The following CNTNAP2 variants were observed in gnomAD, a reference collection of about 807,000 sequenced individuals.
CNTNAP2 encodes contactin associated protein 2.
A neutral mutation model predicts 155.2 loss-of-function variants in CNTNAP2; 98 were observed. The observed-to-expected ratio is 0.63, with a 90% CI of 0.54 to 0.75. CNTNAP2 has a LOEUF of 0.75. CNTNAP2 is among the 30% of genes least tolerant of loss of function. The pLI is 0.00. For missense variants in CNTNAP2, 1,727 were observed against 1,688.1 expected, an observed-to-expected ratio of 1.02 and a Z score of -0.40; for synonymous variants, 651 against 631.2, an observed-to-expected ratio of 1.03 and a Z score of -0.47.
intron 1 of CNTNAP2, among the ~76,000 whole-genome samples, chr7:146,421,156 C>A (rs1176288051): frequency 6.6e-6 from 1 of 152,006 alleles, no homozygotes; most frequent in Non-Finnish European, 1.5e-5. Context: ...TCATCTGTTA[C>A]ATCTCCTCTT....
At chr7:146,540,081 A>G (rs571475305) in intron 1 of CNTNAP2, among the ~76,000 whole-genome samples, 1 of 152,018 alleles carries the variant, frequency 6.6e-6, no homozygotes, top group Non-Finnish European at 1.5e-5. Flanking sequence ...AGAGTTTAGA[A>G]CTTAATAGCT....
At chr7:148,086,690 G>A (rs1235623118) in intron 15 of CNTNAP2, among the ~76,000 whole-genome samples, 3 of 151,816 alleles carry the variant, frequency 2.0e-5, no homozygotes, top group Non-Finnish European at 2.9e-5. Context: ...TAGCTTCTTA[G>A]GGTTCAAAAA....
At chr7:148,314,418 C>T (rs181616250) in intron 21 of CNTNAP2, among the ~76,000 whole-genome samples, 380 of 152,164 alleles carry the variant, frequency 2.5e-3, no homozygotes, top group African/African-American at 8.3e-3. Flanking sequence ...TGGGGTCAAG[C>T]GGCATTGCAG....
At chr7:147,174,449 C>CA (rs1387531281) in intron 8 of CNTNAP2, among the ~76,000 whole-genome samples, 1 of 152,112 alleles carries the variant, frequency 6.6e-6, no homozygotes, top group Non-Finnish European at 1.5e-5. Flanking sequence ...TACTCCATTG[C>CA]AAATATTAAG....
At chr7:148,413,325 G>C (rs1349747449) in intron 23 of CNTNAP2, among the ~76,000 whole-genome samples, 1 of 146,246 alleles carries the variant, frequency 6.8e-6, no homozygotes, top group African/African-American at 2.5e-5. Flanking sequence ...CTGGGAGGCT[G>C]AGGTTACAGT....
chr7:148,372,050 A>C (rs2116641649), intron 21 of CNTNAP2, among the ~76,000 whole-genome samples: 1 of 151,832 alleles, frequency 6.6e-6, no homozygotes, highest in East Asian at 2.0e-4. Flanking sequence ...AATACAAAAA[A>C]AATTAGCTGG....
chr7:147,715,451 C>T (rs940354053), intron 13 of CNTNAP2, among the ~76,000 whole-genome samples: 1 of 152,092 alleles, frequency 6.6e-6, no homozygotes, highest in Non-Finnish European at 1.5e-5. Flanking sequence ...AGAGAGTTGT[C>T]ATGGGCTAAT....
chr7:146,910,630 C>T (rs1796252551), intron 3 of CNTNAP2, among the ~76,000 whole-genome samples: 1 of 150,720 alleles, frequency 6.6e-6, no homozygotes, highest in African/African-American at 2.5e-5. Context: ...GGATCCCTTC[C>T]TTACACCTTA....
intron 8 of CNTNAP2, among the ~76,000 whole-genome samples, chr7:147,253,624 C>T (rs750446881): frequency 1.3e-5 from 2 of 152,030 alleles, no homozygotes; most frequent in African/African-American, 2.4e-5. Flanking sequence ...AATACAAAAC[C>T]GCTGTGAGCA....
At chr7:147,990,994 A>G (rs1801702606) in intron 15 of CNTNAP2, among the ~76,000 whole-genome samples, 1 of 152,088 alleles carries the variant, frequency 6.6e-6, no homozygotes, top group African/African-American at 2.4e-5. Context: ...CCCATCCTGA[A>G]ACCACCTAGG....
At chr7:148,249,022 A>C (rs1341595717) in intron 20 of CNTNAP2, among the ~76,000 whole-genome samples, 1 of 152,162 alleles carries the variant, frequency 6.6e-6, no homozygotes, top group African/African-American at 2.4e-5. Context: ...TCTTTCGTGA[A>C]GTGTCTGTTC....
intron 10 of CNTNAP2, among the ~76,000 whole-genome samples, chr7:147,426,044 A>G (rs1395699193): frequency 2.0e-5 from 3 of 152,138 alleles, no homozygotes; most frequent in Non-Finnish European, 2.9e-5. Flanking sequence ...AAAATCAGTA[A>G]TTTGTAAATG....
At chr7:147,464,357 C>T (rs898100782) in intron 10 of CNTNAP2, among the ~76,000 whole-genome samples, 7 of 151,174 alleles carry the variant, frequency 4.6e-5, no homozygotes, top group Non-Finnish European at 7.4e-5. Flanking sequence ...TTCCCAGCTA[C>T]ACGGGAGGCT....
At chr7:146,714,769 G>T (rs531658148) in intron 1 of CNTNAP2, among the ~76,000 whole-genome samples, 1 of 152,102 alleles carries the variant, frequency 6.6e-6, no homozygotes, top group Non-Finnish European at 1.5e-5. Context: ...GATACTTGAT[G>T]GCACATTACT....
In CNTNAP2 at chr7:146,570,484, C is replaced by T. The variant is rs1798425089; in HGVS notation, c.98-203787C>T. Among the ~76,000 whole-genome samples the T allele has an allele frequency of 2.0e-5, 3 of 152,158 alleles. No homozygotes were observed. In the South Asian group the frequency reaches 6.2e-4, roughly 32 times the overall value. ...CCAGAATTTTTTCCTGTACTAAGGA[C>T]AAAATGAATATTAGGCCTTAGACAT... On this transcript the variant is annotated intron_variant, in intron 1 of 23. Transcript: ENST00000361727.
chr7:147,010,971 A>G (rs991768954), intron 3 of CNTNAP2, among the ~76,000 whole-genome samples: 6 of 152,134 alleles, frequency 3.9e-5, no homozygotes, highest in Non-Finnish European at 8.8e-5. Context: ...TAGTATCACC[A>G]TAAATGGAAC....
chr7:147,605,076 T>C (rs1012763106), intron 12 of CNTNAP2, among the ~76,000 whole-genome samples: 1 of 79,518 alleles, frequency 1.3e-5, no homozygotes, highest in African/African-American at 7.9e-5. Context: ...TCCAAGTTCA[T>C]AGTGCAAAGT....
At chr7:146,866,371 A>ATTT (rs1480191438) in intron 3 of CNTNAP2, among the ~76,000 whole-genome samples, 1 of 152,096 alleles carries the variant, frequency 6.6e-6, no homozygotes, top group African/African-American at 2.4e-5. Context: ...ATTTCAGTAC[A>ATTT]TGGTAAAGTT....
Position 146,826,853 on chromosome 7 carries a change from TATATAG to T in CNTNAP2, c.209-12856_209-12851del, listed in dbSNP as rs1200199450. Among the ~76,000 whole-genome samples the T allele has an allele frequency of 8.5e-5, 12 of 140,720 alleles. No individual in the cohort carries two copies. In the East Asian group the frequency reaches 1.5e-3, roughly 18 times the overall value. The allele number at this position is 140,720 out of a possible 152,430, so 92.3% of individuals were successfully genotyped here. ...GAATATATGTATATATATATATATATATATAGAGAGAGAGAGAGAGAGAGAGACTTG... is the reference window on the plus strand; with the variant it reads ...GAATATATGTATATATATATATATATAGAGAGAGAGAGAGAGAGAGACTTG... On this transcript the variant is annotated intron_variant, in intron 2 of 23. Transcript: ENST00000361727.
Sources: gnomAD v4.1 joint callset for allele counts (sites outside exome capture counted in the v4.1 genomes callset) on GRCh38, gnomAD v4.1.1 for gene constraint, MANE v1.5 for transcripts, NCBI Gene and HGNC (gene_info 2026-07-23, HGNC 2026-07-21) for gene names.